The following QSOX2 variants were observed in gnomAD, a reference collection of about 807,000 sequenced individuals.
QSOX2 encodes the protein sulfhydryl oxidase 2.
Under a neutral mutation model 61.7 loss-of-function variants are expected in QSOX2, and 46 were observed. That is an observed-to-expected ratio of 0.75 (90% CI 0.59 to 0.95). The LOEUF (loss-of-function observed/expected upper bound fraction) is 0.95. Ranked by LOEUF, QSOX2 falls within the 40% of genes least tolerant of loss-of-function variation. The pLI, the probability that QSOX2 is intolerant of heterozygous loss-of-function variation, is 0.00. For synonymous variants in QSOX2, 383 were observed against 388.4 expected, an observed-to-expected ratio of 0.99 and a Z score of 0.16; for missense variants, 879 against 918.9, an observed-to-expected ratio of 0.96 and a Z score of 0.56.
At chr9:136,236,753 T>G (rs1425609452) in intron 1 of QSOX2, among the ~76,000 whole-genome samples, 1 of 151,610 alleles carries the variant, frequency 6.6e-6, no homozygotes, top group Non-Finnish European at 1.5e-5. Flanking sequence ...CTGGAGCCCG[T>G]CCTGGGCCAG....
chr9:136,245,497 C>A lies in QSOX2; in HGVS notation c.307G>T (p.Ala103Ser), dbSNP rs1554758401. Residue 103 changes from alanine to serine, a missense_variant, in exon 1 of 12, where the codon GCC becomes TCC. By Grantham distance (99) the Ala-to-Ser change is moderately conservative. Coordinates refer to ENST00000358701, the MANE Select transcript of QSOX2 (RefSeq NM_181701.4). ...HCIGYAPTWRALAGDVRDWAS... is the reference protein window; with the variant it reads ...HCIGYAPTWRSLAGDVRDWAS... ...TCACCTCGCACATCCCCAGCCAGGG[C>A]CCGCCAAGTGGGCGCGTAGCCGATG... The A allele has an allele frequency of 2.5e-6, 4 of 1,593,358 alleles. No individual in the cohort carries two copies. Among genetic ancestry groups the A allele is most frequent in the Non-Finnish European group, 3.4e-6 (4 of 1,177,214 alleles).
chr9:136,244,016 A>G (rs901262044), intron 1 of QSOX2, among the ~76,000 whole-genome samples: 1 of 152,052 alleles, frequency 6.6e-6, no homozygotes, highest in Non-Finnish European at 1.5e-5. Context: ...AATTTGCAAT[A>G]TTTGAATCTG....
At chr9:136,227,523 ATG>A (rs1211165510) in intron 1 of QSOX2, among the ~76,000 whole-genome samples, 3 of 152,234 alleles carry the variant, frequency 2.0e-5, no homozygotes, top group African/African-American at 4.8e-5. Context: ...AGAGATAAAA[ATG>A]TAACAAATCC....
At chr9:136,216,070 G>A (rs999404218) in intron 9 of QSOX2, among the ~76,000 whole-genome samples, 55 of 152,354 alleles carry the variant, frequency 3.6e-4, no homozygotes, top group African/African-American at 1.3e-3. Context: ...CACTGACCAC[G>A]CGGGCGTCGG....
rs1337296535 is a variant in QSOX2, at chr9:136,223,850, G to A, written c.588C>T (p.Pro196=). The change falls in exon 5 of 12, where the codon CCC becomes CCT. Residue 196 remains proline (P), a synonymous_variant. Coordinates refer to ENST00000358701, the MANE Select transcript of QSOX2 (RefSeq NM_181701.4). The surrounding 1 kb of genome is among the most constrained non-coding windows in gnomAD (Gnocchi z 4.4). ...PACPRLDPIQ[P]SDVLSLLDNR... is the part of the protein sequence containing the mutation. Reference sequence around the variant, plus strand: ...TGTCAAGAAGGGAAAGAACATCACTGGGCCTTTCAAGAGGAAAAAAAGAGG... The same window carrying A: ...TGTCAAGAAGGGAAAGAACATCACTAGGCCTTTCAAGAGGAAAAAAAGAGG... The A allele has an allele frequency of 1.2e-6, 2 of 1,613,996 alleles. No homozygotes were observed. The highest frequency in any genetic ancestry group is 2.2e-5 in the South Asian group (2 of 91,062).
chr9:136,245,327 G>T, intron 1 of QSOX2, 149 bp downstream of exon 1: 4 of 654,846 alleles, frequency 6.1e-6, no homozygotes, highest in Non-Finnish European at 5.0e-6. Flanking sequence ...TCCGAGTCGG[G>T]TGCCTCTGTG....
rs1345974797 is a variant in QSOX2 at position 136,207,723 on chromosome 9, T to C, written c.*1005A>G. The C allele has an allele frequency of 6.6e-6, 1 of 152,354 alleles. No homozygotes were observed. The highest frequency in any genetic ancestry group is 6.6e-5 in the Admixed American group (1 of 15,264). The allele number at this position is 152,354 out of a possible 1,614,324, so 9.4% of individuals were successfully genotyped here. On this transcript the variant is annotated 3_prime_UTR_variant, in exon 12 of 12. Transcript: ENST00000358701. ...CTTGTGTGTGCAGCAGGTGCCTCTG[T>C]GGTGCTGGGTGAAGAGCAGACGACA... is the stretch of plus-strand genomic sequence containing the variant.
chr9:136,218,691 A>G lies in QSOX2; in HGVS notation c.1074T>C (p.Thr358=), dbSNP rs140545425. 1.9e-6 allele frequency: 3 copies of G among 1,613,566 alleles called. No homozygotes were observed. In the East Asian group the frequency reaches 6.7e-5, roughly 36 times the overall value. The change falls in exon 8 of 12, where the codon ACT becomes ACC. Residue 358 remains threonine (T), a synonymous_variant. Coordinates refer to ENST00000358701, the MANE Select transcript of QSOX2 (RefSeq NM_181701.4). ...CACCGTCCCAAACCTTGGCCAAGAC[A>G]GTCACAAAGTCCTTGAGCGTCTTCA... The part of the protein sequence containing the change: ...AELKTLKDFV[T]VLAKLFPGRP...
chr9:136,238,984 T>C (rs1183175863), intron 1 of QSOX2, among the ~76,000 whole-genome samples: 2 of 152,194 alleles, frequency 1.3e-5, no homozygotes, highest in African/African-American at 2.4e-5. Context: ...GAGACCGATC[T>C]CTAAAACAAA....
chr9:136,221,967 T>G lies in QSOX2; in HGVS notation c.676-26A>C. The G allele has an allele frequency of 4.5e-6, 7 of 1,541,060 alleles. No individual in the cohort carries two copies. Among genetic ancestry groups the G allele is most frequent in the Non-Finnish European group, 5.3e-6 (6 of 1,140,314 alleles). On this transcript the variant is annotated intron_variant, in intron 5 of 11. Transcript: ENST00000358701. This position sits in a 1 kb window ranked among gnomAD's most constrained non-coding sequence, Gnocchi z 4.5. ...CTGGGGGATGAGAACACAATGACAC[T>G]TCCACAGGGGCTGGCAGTTTCTCAG... is the stretch of plus-strand genomic sequence containing the variant.
intron 1 of QSOX2, among the ~76,000 whole-genome samples, chr9:136,244,742 AAAC>A (rs1415977964): frequency 2.0e-5 from 3 of 152,338 alleles, no homozygotes; most frequent in South Asian, 4.1e-4. Context: ...TGAAAGCACT[AAAC>A]AATAAAGTGC....
chr9:136,211,800 C>T lies in QSOX2; in HGVS notation c.1361-348G>A, dbSNP rs374852172. Among the ~76,000 whole-genome samples the T allele has an allele frequency of 5.3e-5, 8 of 152,328 alleles. No homozygotes were observed. The East Asian group carries it at 1.4e-3, about 26-fold the overall frequency. ...TCCCACCTCCCACCAGTCTTCCAGCCGTCTGTGCCAGAACGCCCGGAGTGC... is the reference window on the plus strand; with the variant it reads ...TCCCACCTCCCACCAGTCTTCCAGCTGTCTGTGCCAGAACGCCCGGAGTGC... On this transcript the variant is annotated intron_variant, in intron 10 of 11. Coordinates refer to ENST00000358701, the MANE Select transcript of QSOX2 (RefSeq NM_181701.4).
chr9:136,227,923 G>A (rs1267225690), intron 1 of QSOX2, among the ~76,000 whole-genome samples: 1 of 152,098 alleles, frequency 6.6e-6, no homozygotes, highest in African/African-American at 2.4e-5. Flanking sequence ...AGGCTGCAGT[G>A]AGCCGGCGAC....
intron 9 of QSOX2, 85 bp from the exon 10 acceptor site, chr9:136,215,389 G>T (rs951595519): frequency 2.0e-6 from 2 of 999,492 alleles, no homozygotes; most frequent in South Asian, 3.7e-5. Flanking sequence ...CTTCTTGACT[G>T]GGGGGGGTGG....
rs1831979834 is a variant in QSOX2, at chr9:136,221,478, G to A, written c.821+318C>T. ...GAGCAGGGTTTTAGGAGCATCGGCT[G>A]CTCCCAAAGCCCCGGCCCAGCAGCC... On this transcript the variant is annotated intron_variant, in intron 6 of 11. Coordinates refer to ENST00000358701, the MANE Select transcript of QSOX2 (RefSeq NM_181701.4). The surrounding 1 kb of genome is among the most constrained non-coding windows in gnomAD (Gnocchi z 4.5). Among the ~76,000 whole-genome samples the A allele has an allele frequency of 6.6e-6, 1 of 152,228 alleles. No homozygotes were observed. Among genetic ancestry groups the A allele is most frequent in the African/African-American group, 2.4e-5 (1 of 41,446 alleles).
chr9:136,212,727 C>T (rs936348141), intron 10 of QSOX2, among the ~76,000 whole-genome samples: 5 of 152,264 alleles, frequency 3.3e-5, no homozygotes, highest in African/African-American at 9.6e-5. Context: ...ACCGCAGGCG[C>T]GGGGCCACCC....
At position 136,209,544 on chromosome 9, in the gene QSOX2, T is replaced by C; in HGVS notation, c.1550-269A>G. 1 of 985,350 alleles carries C rather than the reference T, an allele frequency of 1.0e-6. No homozygotes were observed. Among genetic ancestry groups the C allele is most frequent in the Non-Finnish European group, 1.2e-6 (1 of 829,898 alleles). The allele number at this position is 985,350 out of a possible 1,614,324, so 61.0% of individuals were successfully genotyped here. On this transcript the variant is annotated intron_variant, in intron 11 of 11. Transcript: ENST00000358701. The surrounding 1 kb of genome is among the most constrained non-coding windows in gnomAD (Gnocchi z 5.6). ...GTGAGGAGACGCTACACGCTCGGCC[T>C]CCGCCACTTCCCAGACCACACCTGT...
At chr9:136,210,357 C>T in intron 11 of QSOX2, 1 of 985,472 alleles carries the variant, frequency 1.0e-6, no homozygotes, top group Non-Finnish European at 1.2e-6. Flanking sequence ...GTTGCAGTCT[C>T]ATGACTGGGG....
intron 1 of QSOX2, among the ~76,000 whole-genome samples, chr9:136,234,478 T>C (rs952663123): frequency 6.6e-6 from 1 of 152,176 alleles, no homozygotes; most frequent in Admixed American, 6.5e-5. Flanking sequence ...TCCCACACCT[T>C]TTCCAGCTCA....
Sources: allele counts gnomAD v4.1 joint callset (sites outside exome capture counted in the v4.1 genomes callset), GRCh38; gene constraint gnomAD v4.1.1; non-coding constraint Gnocchi (gnomAD v3.1); transcripts MANE v1.5; gene names NCBI Gene and HGNC (gene_info 2026-07-23, HGNC 2026-07-21).